DICER1: variants seen among roughly 807,000 people sequenced by gnomAD.
DICER1 encodes dicer 1, ribonuclease III, also known as endoribonuclease Dicer.
In DICER1, 43 loss-of-function variants were observed where a neutral mutation model predicts 194.1. The ratio of observed to expected loss-of-function variants is 0.22; its 90% confidence interval spans 0.17 to 0.29. DICER1 has a LOEUF of 0.29. Ranked by LOEUF, DICER1 falls within the 10% of genes least tolerant of loss-of-function variation. The pLI is 1.00. For missense variants in DICER1, 1,608 were observed against 2,317.0 expected (o/e 0.69, Z 6.28); for synonymous variants, 832 against 820.5 (o/e 1.01, Z -0.24).
At chr14:95,094,696 T>G (rs1221542745) in intron 23 of DICER1, among the ~76,000 whole-genome samples, 1 of 152,222 alleles carries the variant, frequency 6.6e-6, no homozygotes, top group African/African-American at 2.4e-5. Context: ...CTTCTTAACT[T>G]GAGCTATTAT....
chr14:95,119,643 G>A (rs1892772736), intron 8 of DICER1, among the ~76,000 whole-genome samples: 1 of 152,122 alleles, frequency 6.6e-6, no homozygotes, highest in Non-Finnish European at 1.5e-5. Context: ...CCAGCAAGCT[G>A]TTCACCAGCA....
chr14:95,144,045 C>G (rs1217110327), intron 1 of DICER1, among the ~76,000 whole-genome samples: 7 of 152,188 alleles, frequency 4.6e-5, no homozygotes, highest in Non-Finnish European at 8.8e-5. Flanking sequence ...ACCTACTTCC[C>G]TTTTCTAAGT....
At chr14:95,121,685 G>T (rs2140174238) in intron 8 of DICER1, among the ~76,000 whole-genome samples, 1 of 152,304 alleles carries the variant, frequency 6.6e-6, no homozygotes, top group African/African-American at 2.4e-5. Context: ...CTTGATATGT[G>T]TGTAATTTGG....
intron 6 of DICER1, among the ~76,000 whole-genome samples, chr14:95,128,396 A>G (rs755155983): frequency 7.9e-5 from 12 of 152,256 alleles, no homozygotes; most frequent in Non-Finnish European, 1.3e-4. Context: ...CAAAAGCACA[A>G]GCACGGCCTT....
At chr14:95,090,877 G>GA (rs1889741952) in intron 26 of DICER1, 157 bp downstream of exon 26, 9 of 962,236 alleles carry the variant, frequency 9.4e-6, no homozygotes, top group African/African-American at 1.7e-5. Flanking sequence ...AAAACAGAAG[G>GA]AAAAAAGAGA....
chr14:95,105,843 GT>G lies in DICER1; in HGVS notation c.2988-61del. On this transcript the variant is annotated intron_variant, in intron 18 of 26. Transcript: ENST00000343455. This position sits in a 1 kb window ranked among gnomAD's most constrained non-coding sequence, Gnocchi z 4.9. Reference sequence around the variant, plus strand: ...CAAAAATGAGTACATATTCACAGTGGTTCTCCAAAAACCACCTGAAGAGCTC... The same window carrying G: ...CAAAAATGAGTACATATTCACAGTGGTCTCCAAAAACCACCTGAAGAGCTC... 17 of 1,518,110 alleles carry G rather than the reference GT, an allele frequency of 1.1e-5. No homozygotes were observed. Among genetic ancestry groups the G allele is most frequent in the Non-Finnish European group, 1.4e-5 (15 of 1,094,026 alleles). The allele number at this position is 1,518,110 out of a possible 1,614,324, so 94.0% of individuals were successfully genotyped here. A position where few individuals can be genotyped will look rare whatever the true frequency, so the allele number is the denominator to read the frequency against.
chr14:95,156,845 C>T (rs1351168481), intron 1 of DICER1, among the ~76,000 whole-genome samples: 1 of 152,162 alleles, frequency 6.6e-6, no homozygotes, highest in African/African-American at 2.4e-5. Flanking sequence ...CGCGCGTCTC[C>T]ACCTCCGCTG....
chr14:95,115,688 G>A lies in DICER1; in HGVS notation c.1886C>T (p.Thr629Met), dbSNP rs750410087. 20 of 1,614,000 alleles carry A rather than the reference G, an allele frequency of 1.2e-5. No homozygotes were observed. Among genetic ancestry groups the A allele is most frequent in the East Asian group, 4.5e-5 (2 of 44,886 alleles). ...DDGGPRVTINTAIGHINRYCA... is the reference protein window; with the variant it reads ...DDGGPRVTINMAIGHINRYCA... ...ATACCTATTGATGTGTCCAATGGCC[G>A]TGTTGATTGTGACTCGTGGACCACC... Residue 629 changes from threonine to methionine, a missense_variant, in exon 11 of 27, where the codon ACG becomes ATG. Thr to Met is a moderately conservative substitution (Grantham distance 81). Transcript: ENST00000343455.
intron 1 of DICER1, among the ~76,000 whole-genome samples, chr14:95,145,836 TTC>T (rs1895094544): frequency 6.6e-6 from 1 of 152,190 alleles, no homozygotes; most frequent in Non-Finnish European, 1.5e-5. Flanking sequence ...AACTTTACAT[TTC>T]TGTCATTCTT....
rs1421319852 is a variant in DICER1 at position 95,117,661 on chromosome 14, G to A, written c.1470C>T (p.Arg490=). ...TGAATTCTGCTTCCATCTGTTTGTT[G>A]CGAGGCTGATTCTTCCCAATGCCAT... The part of the protein sequence containing the change: ...TGHGIGKNQP[R]NKQMEAEFRK... The change falls in exon 9 of 27, where the codon CGC becomes CGT. Residue 490 remains arginine (R), a synonymous_variant. Transcript: ENST00000343455. 4 of 1,613,854 alleles carry A rather than the reference G, an allele frequency of 2.5e-6. No individual in the cohort carries two copies. Among genetic ancestry groups the A allele is most frequent in the East Asian group, 4.5e-5 (2 of 44,876 alleles).
At chr14:95,152,353 A>C (rs1895569088) in intron 1 of DICER1, among the ~76,000 whole-genome samples, 1 of 152,240 alleles carries the variant, frequency 6.6e-6, no homozygotes, top group Non-Finnish European at 1.5e-5. Context: ...ATCTTTTTAA[A>C]AGCCTTAATA....
chr14:95,111,160 C>A, intron 14 of DICER1, 157 bp downstream of exon 14: 1 of 801,788 alleles, frequency 1.2e-6, no homozygotes, highest in Non-Finnish European at 2.2e-6. Context: ...AGAGGCTGAT[C>A]TGAGAGAAGC....
intron 20 of DICER1, among the ~76,000 whole-genome samples, 179 bp from the exon 21 acceptor site, chr14:95,104,305 T>C (rs1257030113): frequency 6.6e-6 from 1 of 152,190 alleles, no homozygotes; most frequent in Non-Finnish European, 1.5e-5. Context: ...GGGACATGGT[T>C]TTATCTACTG....
Position 95,104,973 on chromosome 14 carries a change from T to G in DICER1, c.3269+98A>C, listed in dbSNP as rs72708447. The G allele has an allele frequency of 5.3e-3, 6,599 of 1,237,236 alleles. 24 individuals carry two copies. Among genetic ancestry groups the G allele is most frequent in the Non-Finnish European group, 7.0e-3 (5,996 of 855,646 alleles). 76.6% of individuals were successfully genotyped at this position (1,237,236 alleles called of 1,614,324 possible). On this transcript the variant is annotated intron_variant, in intron 20 of 26. Transcript: ENST00000343455. ...ATATCCATTATTTTCTTTTTACTCT[T>G]TTAAGAATTATTTTATATACAATTT...
chr14:95,147,246 C>T (rs1220528368), intron 1 of DICER1, among the ~76,000 whole-genome samples: 4 of 152,176 alleles, frequency 2.6e-5, no homozygotes, highest in Non-Finnish European at 5.9e-5. Flanking sequence ...GGGCAGATCA[C>T]GTGAGCCCAG....
rs373341834 is a variant in DICER1 at position 95,119,932 on chromosome 14, A to G, written c.1377-2178T>C. Among the ~76,000 whole-genome samples, 10 of 152,342 alleles carry G rather than the reference A, an allele frequency of 6.6e-5. No homozygotes were observed. The East Asian group carries it at 1.7e-3, about 26-fold the overall frequency. ...CATAGGTAAATTCTGGCACCAATTC[A>G]TAGCCTATACTTTGTGTGTATATGT... On this transcript the variant is annotated intron_variant, in intron 8 of 26. Transcript: ENST00000343455.
At chr14:95,125,211 T>TTTTC (rs374113653) in intron 7 of DICER1, among the ~76,000 whole-genome samples, 1 of 152,102 alleles carries the variant, frequency 6.6e-6, no homozygotes, top group African/African-American at 2.4e-5. Context: ...ATCATTTCTT[T>TTTTC]TTTCTTTCTT....
intron 4 of DICER1, among the ~76,000 whole-genome samples, chr14:95,130,526 T>G (rs1893864750): frequency 6.6e-6 from 1 of 152,218 alleles, no homozygotes; most frequent in Non-Finnish European, 1.5e-5. Context: ...CAATTCACAC[T>G]TTTTATTTTT....
At chr14:95,151,506 A>T (rs995957875) in intron 1 of DICER1, among the ~76,000 whole-genome samples, 2 of 151,998 alleles carry the variant, frequency 1.3e-5, no homozygotes, top group Non-Finnish European at 2.9e-5. Context: ...TTTTTTTCTC[A>T]AAACCTCAAG....
Sources: gnomAD v4.1 joint callset for allele counts (sites outside exome capture counted in the v4.1 genomes callset) on GRCh38, gnomAD v4.1.1 for gene constraint, Gnocchi (gnomAD v3.1) non-coding constraint, MANE v1.5 for transcripts, NCBI Gene and HGNC (gene_info 2026-07-23, HGNC 2026-07-21) for gene names.